The following TXLNB variants were observed in gnomAD, a reference collection of about 807,000 sequenced individuals.
The protein encoded by TXLNB is beta-taxilin.
In TXLNB, 37 loss-of-function variants were observed where a neutral mutation model predicts 57.4. The observed-to-expected ratio is 0.64, with a 90% confidence interval of 0.50 to 0.85. The LOEUF is 0.85. Among genes scored for constraint, TXLNB ranks in the 40% least tolerant of loss-of-function variants. The probability of loss-of-function intolerance (pLI) is 0.00; values close to 1 mark genes in which losing one functional copy is unlikely to be tolerated. For missense variants in TXLNB, 848 were observed against 825.6 expected (o/e 1.03, Z -0.33); for synonymous variants, 302 against 309.6 (o/e 0.98, Z 0.26).
At chr6:139,179,371 G>A in the TXLNB span, 1 of 152,144 alleles carries the variant, frequency 6.6e-6, no homozygotes, top group Non-Finnish European at 1.5e-5. Flanking sequence ...ATTGCATTCA[G>A]CAAGCTCCTG....
the TXLNB span, among the ~76,000 whole-genome samples, chr6:139,224,368 A>G: frequency 1.3e-5 from 2 of 151,260 alleles, no homozygotes; most frequent in African/African-American, 4.9e-5. Flanking sequence ...TAGTGGGTGC[A>G]GTGCACCAGC....
chr6:139,191,420 A>T, the TXLNB span, among the ~76,000 whole-genome samples: 1 of 151,994 alleles, frequency 6.6e-6, no homozygotes, highest in East Asian at 1.9e-4. Flanking sequence ...ACTCTGTCTC[A>T]AAAAAAATAA....
chr6:139,208,432 A>C, the TXLNB span, among the ~76,000 whole-genome samples: 1 of 152,198 alleles, frequency 6.6e-6, no homozygotes, highest in Non-Finnish European at 1.5e-5. Flanking sequence ...ATCCTTCCTA[A>C]ATCATTCTAT....
chr6:139,187,252 T>C, the TXLNB span, among the ~76,000 whole-genome samples: 1 of 152,218 alleles, frequency 6.6e-6, no homozygotes, highest in African/African-American at 2.4e-5. Flanking sequence ...GATTTGGTTC[T>C]TTAGACCCTC....
At chr6:139,278,853 AC>A (rs1250994194) in intron 2 of TXLNB, among the ~76,000 whole-genome samples, 1 of 152,006 alleles carries the variant, frequency 6.6e-6, no homozygotes, top group Non-Finnish European at 1.5e-5. Flanking sequence ...AAATACAAAA[AC>A]TTAGCTAGGC....
At chr6:139,316,170 A>G in the TXLNB span, among the ~76,000 whole-genome samples, 1 of 152,334 alleles carries the variant, frequency 6.6e-6, no homozygotes, top group East Asian at 1.9e-4. Context: ...TCTTCTGACA[A>G]GGGACAAAGA....
chr6:139,239,204 C>T (rs144737712), downstream of TXLNB: 122 of 152,444 alleles, frequency 8.0e-4, no homozygotes, highest in African/African-American at 2.8e-3. The surrounding 1 kb of genome is among the most constrained non-coding windows in gnomAD (Gnocchi z 4.7). Flanking sequence ...AAACGCAGAG[C>T]AGCTGGGCCT....
At chr6:139,200,408 C>A in the TXLNB span, among the ~76,000 whole-genome samples, 5 of 152,300 alleles carry the variant, frequency 3.3e-5, no homozygotes, top group Admixed American at 3.3e-4. Context: ...AAATAAAAGA[C>A]CATGCCTTAT....
the TXLNB span, among the ~76,000 whole-genome samples, chr6:139,208,743 C>CT: frequency 3.3e-5 from 5 of 152,134 alleles, no homozygotes; most frequent in African/African-American, 9.7e-5. Flanking sequence ...TCTGGCATCC[C>CT]TTTTTTATAA....
At position 139,260,049 on chromosome 6, in the gene TXLNB, C is replaced by T. The variant is rs377633607; in HGVS notation, c.1002+269G>A. Among the ~76,000 whole-genome samples, 39 of 152,092 alleles carry T rather than the reference C, an allele frequency of 2.6e-4. 2 individuals carry two copies. In the East Asian group the frequency reaches 6.0e-3, roughly 23 times the overall value. On this transcript the variant is annotated intron_variant, in intron 6 of 9. Coordinates refer to ENST00000358430, the MANE Select transcript of TXLNB (RefSeq NM_153235.4). ...ACCAGCCTGGCCAACATGGTGAAAC[C>T]CTGTCTCTACTAAAAATACAAAACA... is the stretch of plus-strand genomic sequence containing the variant.
the TXLNB span, among the ~76,000 whole-genome samples, chr6:139,171,340 G>C: frequency 1.3e-5 from 2 of 152,156 alleles, no homozygotes; most frequent in Non-Finnish European, 2.9e-5. Context: ...TTGTGTGTGC[G>C]TATATATACA....
chr6:139,286,221 A>C (rs1359243456), intron 2 of TXLNB, among the ~76,000 whole-genome samples: 4 of 148,308 alleles, frequency 2.7e-5, no homozygotes, highest in African/African-American at 1.0e-4. Context: ...AATTTTCCTC[A>C]AGGTTTTTCT....
At chr6:139,173,876 A>T in the TXLNB span, among the ~76,000 whole-genome samples, 1 of 152,208 alleles carries the variant, frequency 6.6e-6, no homozygotes, top group Non-Finnish European at 1.5e-5. Context: ...CATTTTGAGG[A>T]CAAGGATAGT....
intron 5 of TXLNB, 49 bp from the exon 6 acceptor site, chr6:139,260,486 TA>T: frequency 6.3e-7 from 1 of 1,582,046 alleles, no homozygotes; most frequent in Non-Finnish European, 8.6e-7. Context: ...TATTGGTGCT[TA>T]AAAATGCAAA....
At chr6:139,304,306 G>A in the TXLNB span, among the ~76,000 whole-genome samples, 1 of 152,152 alleles carries the variant, frequency 6.6e-6, no homozygotes, top group African/African-American at 2.4e-5. Flanking sequence ...GAGAATATCA[G>A]TAGAAAGACT....
At chr6:139,245,269 C>T (rs1039564321) in intron 8 of TXLNB, among the ~76,000 whole-genome samples, 1 of 152,084 alleles carries the variant, frequency 6.6e-6, no homozygotes, top group Admixed American at 6.5e-5. Flanking sequence ...ATGGGGAAAC[C>T]GAAGTTCGGA....
chr6:139,286,531 C>G (rs1455414877), intron 2 of TXLNB, among the ~76,000 whole-genome samples: 1 of 152,002 alleles, frequency 6.6e-6, no homozygotes, highest in Non-Finnish European at 1.5e-5. Context: ...GACTAGGGGC[C>G]GGGCGCAGTG....
downstream of TXLNB, among the ~76,000 whole-genome samples, chr6:139,235,707 G>C (rs1358390019): frequency 1.3e-5 from 2 of 151,990 alleles, no homozygotes; most frequent in East Asian, 3.9e-4. Flanking sequence ...TCGAGCCTGT[G>C]CCCAGGGACC....
chr6:139,204,551 G>A, the TXLNB span, among the ~76,000 whole-genome samples: 1 of 152,218 alleles, frequency 6.6e-6, no homozygotes, highest in Admixed American at 6.5e-5. Context: ...TTTGTGACAG[G>A]ATTTTGAGTG....
Sources: gnomAD v4.1 joint callset for allele counts (sites outside exome capture counted in the v4.1 genomes callset) on GRCh38, gnomAD v4.1.1 for gene constraint, Gnocchi (gnomAD v3.1) non-coding constraint, MANE v1.5 for transcripts, NCBI Gene and HGNC (gene_info 2026-07-23, HGNC 2026-07-21) for gene names.